TPP1: variants seen among roughly 807,000 people sequenced by gnomAD.
TPP1 encodes tripeptidyl-peptidase 1.
TPP1 carries 43 observed loss-of-function variants against 67.6 expected under a neutral mutation model. That is an observed-to-expected ratio of 0.64 (90% CI 0.50 to 0.82). The LOEUF (loss-of-function observed/expected upper bound fraction) is 0.82, where lower values mean the gene tolerates loss of function less well. Ranked by LOEUF, TPP1 falls within the 40% of genes least tolerant of loss-of-function variation. The pLI is 0.00. For missense variants in TPP1, 671 were observed against 710.9 expected (o/e 0.94, Z 0.64); for synonymous variants, 272 against 281.5 (o/e 0.97, Z 0.34).
Position 6,614,806 on chromosome 11 carries a change from C to A in TPP1, c.1551+60G>T, listed in dbSNP as rs1466150357. 3 of 1,613,828 alleles carry A rather than the reference C, an allele frequency of 1.9e-6. No individual in the cohort carries two copies. The East Asian group carries it at 6.7e-5, about 36-fold the overall frequency. ...CACACCACCCTAACTGCCCCCAAGT[C>A]CCCCTTAGCACTCCCCATAGTTGTT... On this transcript the variant is annotated intron_variant, in intron 12 of 12. Coordinates refer to ENST00000299427, the MANE Select transcript of TPP1 (RefSeq NM_000391.4).
In TPP1 at chr11:6,615,474, A is replaced by G. The variant is rs1232467507; in HGVS notation, c.1234T>C (p.Phe412Leu). Residue 412 changes from phenylalanine to leucine, a missense_variant, in exon 10 of 13, where the codon TTC (phenylalanine) becomes CTC (leucine). By Grantham distance (22) the Phe-to-Leu change is conservative. Coordinates refer to ENST00000299427, the MANE Select transcript of TPP1 (RefSeq NM_000391.4). ...GAAGGCCGTGGGAACACATTGCTGA[A>G]GCCACCACCACTGATATAGTCAACA... ...EIVDYISGGG[F>L]SNVFPRPSYQ... is the part of the protein sequence containing the mutation. 6.2e-7 allele frequency: 1 copy of G among 1,614,244 alleles called. No homozygotes were observed. The highest frequency in any genetic ancestry group is 8.5e-7 in the Non-Finnish European group (1 of 1,180,044).
At chr11:6,618,159 G>A (rs879102779) in intron 3 of TPP1, 4 of 357,422 alleles carry the variant, frequency 1.1e-5, no homozygotes, top group Non-Finnish European at 2.1e-5. Context: ...CATACTTGTT[G>A]ATTTTAAGCT....
chr11:6,619,332 G>C (rs199747869), intron 1 of TPP1, 52 bp downstream of exon 1: 1 of 1,614,138 alleles, frequency 6.2e-7, no homozygotes. Context: ...CCCTCCCAAT[G>C]TGTGCTCCCT....
intron 4 of TPP1, 80 bp downstream of exon 4, chr11:6,617,546 C>T: frequency 6.2e-7 from 1 of 1,613,164 alleles, no homozygotes; most frequent in Non-Finnish European, 8.5e-7. Context: ...CCACAAGCCC[C>T]AGCAAGCTCT....
chr11:6,618,944 T>C, intron 2 of TPP1, 29 bp from the exon 3 acceptor site: 1 of 1,610,324 alleles, frequency 6.2e-7, no homozygotes, highest in East Asian at 2.2e-5. Context: ...GGGACATGGC[T>C]TTGGTTAGGG....
Position 6,616,519 on chromosome 11 carries a change from T to G in TPP1, c.887-16A>C. 1 of 1,570,174 alleles carries G rather than the reference T, an allele frequency of 6.4e-7. No individual in the cohort carries two copies. On this transcript the variant is annotated splice_polypyrimidine_tract_variant and intron_variant, in intron 7 of 12. Transcript: ENST00000299427. ...TCATGCCGGCCTGGATTTTTTTTTT[T>G]TTTTTTTTTGAGGGATGGGCACAAA... is the stretch of plus-strand genomic sequence containing the variant.
Position 6,616,700 on chromosome 11 carries a change from C to T in TPP1, c.847G>A (p.Ala283Thr), listed in dbSNP as rs1456826284. 2 of 1,613,970 alleles carry T rather than the reference C, an allele frequency of 1.2e-6. No individual in the cohort carries two copies. Among genetic ancestry groups the T allele is most frequent in the African/African-American group, 1.3e-5 (1 of 74,876 alleles). Reference sequence around the variant, plus strand: ...ACCCAGGTGGAGATGTTGGCACCAGCACTCATCAGGTACTGCACATCTAGA... The same window carrying T: ...ACCCAGGTGGAGATGTTGGCACCAGTACTCATCAGGTACTGCACATCTAGA... The part of the protein sequence containing the change: ...ASLDVQYLMS[A>T]GANISTWVYS... The change falls in exon 7 of 13, where the codon GCT becomes ACT. Residue 283 changes from alanine to threonine, a missense_variant. Transcript: ENST00000299427.
At chr11:6,619,080 T>G (rs528907839) in intron 2 of TPP1, 116 bp downstream of exon 2, 1 of 1,474,082 alleles carries the variant, frequency 6.8e-7, no homozygotes, top group East Asian at 2.4e-5. Context: ...AACATAGAGA[T>G]GAAGCTATGG....
In TPP1 at chr11:6,613,482, G is replaced by A. The variant is rs1471595215; in HGVS notation, c.*1064C>T. The A allele has an allele frequency of 6.6e-6, 1 of 152,336 alleles. No individual in the cohort carries two copies. The highest frequency in any genetic ancestry group is 1.5e-5 in the Non-Finnish European group (1 of 68,046). 9.4% of individuals were successfully genotyped at this position (152,336 alleles called of 1,614,324 possible). On this transcript the variant is annotated 3_prime_UTR_variant, in exon 13 of 13. Transcript: ENST00000299427. ...TAATCCTTGAAGGGTTTTCATCCAA[G>A]TGGCCTGATGGGATTTGCATTTTAC...
At chr11:6,616,611 A>G in intron 7 of TPP1, 50 bp downstream of exon 7, 1 of 1,612,552 alleles carries the variant, frequency 6.2e-7, no homozygotes, top group Non-Finnish European at 8.5e-7. Flanking sequence ...AGCAGGGATC[A>G]ACACCCATCT....
chr11:6,614,693 A>C lies in TPP1; in HGVS notation c.1552-7T>G. ...CATGGCAGCCACGGGTTACCTAGGG[A>C]GGAGGCTGGCATCAGATCTGGGCCT... On this transcript the variant is annotated splice_region_variant and splice_polypyrimidine_tract_variant and intron_variant, in intron 12 of 12. Coordinates refer to ENST00000299427, the MANE Select transcript of TPP1 (RefSeq NM_000391.4). 6.2e-7 allele frequency: 1 copy of C among 1,614,078 alleles called. No homozygotes were observed.
chr11:6,614,371 G>A lies in TPP1; in HGVS notation c.*175C>T. Reference sequence around the variant, plus strand: ...GGAGTAGGGAGACCTGAGTATGATGGAGCATGGTAGGGTTGGGAGTCAAGT... The same window carrying A: ...GGAGTAGGGAGACCTGAGTATGATGAAGCATGGTAGGGTTGGGAGTCAAGT... On this transcript the variant is annotated 3_prime_UTR_variant, in exon 13 of 13. Transcript: ENST00000299427. 1 of 805,538 alleles carries A rather than the reference G, an allele frequency of 1.2e-6. No homozygotes were observed. The highest frequency in any genetic ancestry group is 2.4e-5 in the Admixed American group (1 of 40,858). The allele number at this position is 805,538 out of a possible 1,614,324, so 49.9% of individuals were successfully genotyped here.
chr11:6,616,231 G>C (rs1017705883), intron 8 of TPP1, 84 bp downstream of exon 8: 2 of 1,600,890 alleles, frequency 1.2e-6, no homozygotes, highest in Non-Finnish European at 8.6e-7. Flanking sequence ...ATGAGTCAGA[G>C]ACCAGGCTCA....
Position 6,617,130 on chromosome 11 carries a change from G to A in TPP1, c.532C>T (p.Pro178Ser), listed in dbSNP as rs149986601. Residue 178 changes from proline to serine, a missense_variant, in exon 6 of 13, where the codon CCA (proline) becomes TCA (serine). Pro to Ser is a moderately conservative substitution (Grantham distance 74). Coordinates refer to ENST00000299427, the MANE Select transcript of TPP1 (RefSeq NM_000391.4). Reference sequence around the variant, plus strand: ...GGACGTTGCCTCAGGGATGATGTTGGGGGAAAACGGTGCAGTCCCCCCACT... The same window carrying A: ...GGACGTTGCCTCAGGGATGATGTTGAGGGAAAACGGTGCAGTCCCCCCACT... ...DFVGGLHRFP[P>S]TSSLRQRPEP... The A allele has an allele frequency of 3.7e-6, 6 of 1,613,964 alleles. No homozygotes were observed. The highest frequency in any genetic ancestry group is 2.7e-5 in the African/African-American group (2 of 74,880).
In TPP1 at chr11:6,614,259, G is replaced by A; in HGVS notation, c.*287C>T. 1 of 498,534 alleles carries A rather than the reference G, an allele frequency of 2.0e-6. No individual in the cohort carries two copies. The highest frequency in any genetic ancestry group is 2.9e-4 in the Middle Eastern group (1 of 3,422). 30.9% of individuals were successfully genotyped at this position (498,534 alleles called of 1,614,324 possible). A position where few individuals can be genotyped will look rare whatever the true frequency, so the allele number is the denominator to read the frequency against. ...AGTCTGTATACAACCCTTTGGAAAAGCCTGATTGAAAAGAGAAAGATGAGA... is the reference window on the plus strand; with the variant it reads ...AGTCTGTATACAACCCTTTGGAAAAACCTGATTGAAAAGAGAAAGATGAGA... On this transcript the variant is annotated 3_prime_UTR_variant, in exon 13 of 13. Coordinates refer to ENST00000299427, the MANE Select transcript of TPP1 (RefSeq NM_000391.4).
rs1356628460 is a variant in TPP1 at position 6,616,784 on chromosome 11, C to G, written c.763G>C (p.Ala255Pro). 1 of 1,613,950 alleles carries G rather than the reference C, an allele frequency of 6.2e-7. No homozygotes were observed. The highest frequency in any genetic ancestry group is 8.5e-7 in the Non-Finnish European group (1 of 1,180,018). Reference protein sequence around the residue: ...RLFGGNFAHQASVARVVGQQG... With the variant: ...RLFGGNFAHQPSVARVVGQQG... ...TGTCCAACCACACGGGCTACTGATG[C>G]CTGATGTGCAAAGTTGCCACCGAAG... The change falls in exon 7 of 13, where the codon GCA becomes CCA. Residue 255 changes from alanine to proline, a missense_variant. Transcript: ENST00000299427.
At chr11:6,615,089 G>A (rs934525440) in intron 11 of TPP1, 82 bp downstream of exon 11, 1 of 1,613,670 alleles carries the variant, frequency 6.2e-7, no homozygotes, top group African/African-American at 1.3e-5. Flanking sequence ...AAGGAGTCAG[G>A]GGTTCTAGGT....
rs376994999 is a variant in TPP1, at chr11:6,616,628, C to A, written c.886+33G>T. ...CAGGGATCAACACCCATCTCCCACC[C>A]CCTTCCCCACTGTCCAGTCCTCTTG... On this transcript the variant is annotated intron_variant, in intron 7 of 12. Transcript: ENST00000299427. The A allele has an allele frequency of 1.9e-6, 3 of 1,613,676 alleles. No homozygotes were observed. The African/African-American group carries it at 4.0e-5, about 22-fold the overall frequency.
chr11:6,617,314 G>A lies in TPP1; in HGVS notation c.495C>T (p.Pro165=). The change falls in exon 5 of 13, where the codon CCC becomes CCT. Residue 165 remains proline, a synonymous_variant. Transcript: ENST00000299427. Reference sequence around the variant, plus strand: ...CATAGGTGTTACCAAAGTCCACATGGGGGGCCAAGGCCTGTGGAAGCTGGT... The same window carrying A: ...CATAGGTGTTACCAAAGTCCACATGAGGGGCCAAGGCCTGTGGAAGCTGGT... ...HPYQLPQALA[P]HVDFVGGLHR... The A allele has an allele frequency of 6.2e-7, 1 of 1,614,086 alleles. No homozygotes were observed. Among genetic ancestry groups the A allele is most frequent in the Non-Finnish European group, 8.5e-7 (1 of 1,180,010 alleles).
Sources: gnomAD v4.1 joint callset for allele counts on GRCh38, gnomAD v4.1.1 for gene constraint, MANE v1.5 for transcripts, NCBI Gene and HGNC (gene_info 2026-07-23, HGNC 2026-07-21) for gene names.